CCDC149: variants seen among roughly 807,000 people sequenced by gnomAD.
CCDC149 encodes coiled-coil domain-containing protein 149.
A neutral mutation model predicts 59.9 loss-of-function variants in CCDC149; 45 were observed. The ratio of observed to expected loss-of-function variants is 0.75; its 90% confidence interval spans 0.59 to 0.96. The LOEUF (loss-of-function observed/expected upper bound fraction) is 0.96. Among genes scored for constraint, CCDC149 ranks in the 40% least tolerant of loss-of-function variants. CCDC149 has a pLI of 0.00. For synonymous variants in CCDC149, 245 were observed against 260.6 expected (o/e 0.94, Z 0.58); for missense variants, 584 against 664.7 (o/e 0.88, Z 1.33).
chr4:24,819,968 C>T lies in CCDC149; in HGVS notation c.1083G>A (p.Lys361=). 1 of 1,547,444 alleles carries T rather than the reference C, an allele frequency of 6.5e-7. No homozygotes were observed. The highest frequency in any genetic ancestry group is 8.7e-7 in the Non-Finnish European group (1 of 1,144,816). Residue 361 remains lysine (K), a synonymous_variant, in exon 12 of 13, where the codon AAG becomes AAA. Coordinates refer to ENST00000635206, the MANE Select transcript of CCDC149 (RefSeq NM_001330643.2). ...TGGGGTCGCTGAACAGTATGGTGTCCTTGCCCCCTGTTGCAGAAAAGAGGA... is the reference window on the plus strand; with the variant it reads ...TGGGGTCGCTGAACAGTATGGTGTCTTTGCCCCCTGTTGCAGAAAAGAGGA...
intron 12 of CCDC149, among the ~76,000 whole-genome samples, chr4:24,819,347 A>T (rs1175398703): frequency 6.6e-6 from 1 of 151,944 alleles, no homozygotes. Flanking sequence ...TTTGAGACGG[A>T]GTCTTGCTGT....
intron 8 of CCDC149, among the ~76,000 whole-genome samples, chr4:24,832,754 C>T (rs1430772803): frequency 1.3e-5 from 2 of 152,172 alleles, no homozygotes; most frequent in Non-Finnish European, 2.9e-5. Context: ...TCCTTTATCC[C>T]AAATTCCATA....
At chr4:24,896,064 C>A (rs1433767940) in intron 1 of CCDC149, among the ~76,000 whole-genome samples, 1 of 152,228 alleles carries the variant, frequency 6.6e-6, no homozygotes, top group Non-Finnish European at 1.5e-5. Context: ...GTTCCCAGCA[C>A]AAACCTGGGG....
At chr4:24,861,250 G>T (rs1307351050) in intron 3 of CCDC149, among the ~76,000 whole-genome samples, 2 of 150,414 alleles carry the variant, frequency 1.3e-5, no homozygotes, top group Admixed American at 6.6e-5. Flanking sequence ...AATAATATGT[G>T]ATATATATAT....
intron 4 of CCDC149, among the ~76,000 whole-genome samples, chr4:24,852,528 G>A (rs1717728308): frequency 6.6e-6 from 1 of 152,142 alleles, no homozygotes; most frequent in African/African-American, 2.4e-5. Flanking sequence ...CACACATTTA[G>A]TTGGGAGTTT....
chr4:24,882,636 G>A (rs1359686532), intron 1 of CCDC149, among the ~76,000 whole-genome samples: 1 of 152,188 alleles, frequency 6.6e-6, no homozygotes, highest in African/African-American at 2.4e-5. Context: ...TTTATCCATG[G>A]AGTGTGAATA....
At chr4:24,976,493 G>A (rs577557505) in intron 1 of CCDC149, among the ~76,000 whole-genome samples, 4 of 152,268 alleles carry the variant, frequency 2.6e-5, no homozygotes, top group Non-Finnish European at 5.9e-5. Flanking sequence ...CTGGCGAATC[G>A]CCTGAGGTCA....
chr4:24,837,267 T>C lies in CCDC149; in HGVS notation c.623A>G (p.Asn208Ser). ...CAGGGCGTCCACGTCAATGATGCGG[T>C]TCTCGTGCCCACTCAGGATATGGTT... is the stretch of plus-strand genomic sequence containing the variant. Residue 208 changes from asparagine (N) to serine (S), a missense_variant, in exon 6 of 13, where the codon AAC becomes AGC. Coordinates refer to ENST00000635206, the MANE Select transcript of CCDC149 (RefSeq NM_001330643.2). The surrounding 1 kb of genome is among the most constrained non-coding windows in gnomAD (Gnocchi z 4.3). 6.2e-7 allele frequency: 1 copy of C among 1,614,228 alleles called. No individual in the cohort carries two copies. Among genetic ancestry groups the C allele is most frequent in the East Asian group, 2.2e-5 (1 of 44,886 alleles).
rs78517669 is a variant in CCDC149 at position 24,843,727 on chromosome 4, C to T, written c.373-5455G>A. ...TCTCCCAGTTAACAAGCTCCCAATG[C>T]AGTCCAAGCGAGCAGTGTGCTAGCA... On this transcript the variant is annotated intron_variant, in intron 4 of 12. Transcript: ENST00000635206. 6.5e-3 allele frequency among the ~76,000 whole-genome samples: 988 copies of T among 152,286 alleles called. 12 individuals carry two copies. The highest frequency in any genetic ancestry group is 0.022 in the African/African-American group (922 of 41,544).
intron 1 of CCDC149, among the ~76,000 whole-genome samples, chr4:24,890,989 C>G (rs745586887): frequency 6.6e-6 from 1 of 152,244 alleles, no homozygotes; most frequent in Non-Finnish European, 1.5e-5. Context: ...CCTGAATTTC[C>G]GCCTGCAGCA....
intron 1 of CCDC149, among the ~76,000 whole-genome samples, chr4:24,918,637 C>T (rs1722202875): frequency 6.6e-6 from 1 of 152,222 alleles, no homozygotes; most frequent in Non-Finnish European, 1.5e-5. Context: ...ACTGTTCCTC[C>T]ATTCCTGTTA....
intron 4 of CCDC149, among the ~76,000 whole-genome samples, chr4:24,850,337 T>A (rs910749374): frequency 6.6e-6 from 1 of 152,190 alleles, no homozygotes; most frequent in Non-Finnish European, 1.5e-5. Flanking sequence ...GGGCTGTCGG[T>A]GCCACGCAAG....
Position 24,806,686 on chromosome 4 carries a change from G to C in CCDC149, c.*1703C>G, listed in dbSNP as rs1380598501. On this transcript the variant is annotated 3_prime_UTR_variant, in exon 13 of 13. Coordinates refer to ENST00000635206, the MANE Select transcript of CCDC149 (RefSeq NM_001330643.2). ...AACCTCCCTTGAGGAGAAGTTGTGG[G>C]GGTGGGCCTGGTGGGGAGGGCGATA... 6.5e-6 allele frequency: 1 copy of C among 152,944 alleles called. No individual in the cohort carries two copies. Among genetic ancestry groups the C allele is most frequent in the Admixed American group, 6.5e-5 (1 of 15,284 alleles). The allele number at this position is 152,944 out of a possible 1,614,324, so 9.5% of individuals were successfully genotyped here.
intron 1 of CCDC149, among the ~76,000 whole-genome samples, chr4:24,919,069 C>G (rs1722212641): frequency 6.6e-6 from 1 of 152,170 alleles, no homozygotes; most frequent in African/African-American, 2.4e-5. Context: ...ATGGATGCCC[C>G]TTCTATATCC....
intron 1 of CCDC149, among the ~76,000 whole-genome samples, chr4:24,945,008 C>T (rs543864770): frequency 6.6e-6 from 1 of 152,262 alleles, no homozygotes; most frequent in South Asian, 2.1e-4. Context: ...GAACTGAATA[C>T]TGAAGTTGGA....
chr4:24,830,773 C>T (rs1716091840), intron 9 of CCDC149: 1 of 152,204 alleles, frequency 6.6e-6, no homozygotes. Context: ...AAAACAATGA[C>T]TAAGAATTCC....
In CCDC149 at chr4:24,855,574, C is replaced by CA. The variant is rs10639019; in HGVS notation, c.265-2396dup. On this transcript the variant is annotated intron_variant, in intron 3 of 12. Coordinates refer to ENST00000635206, the MANE Select transcript of CCDC149 (RefSeq NM_001330643.2). ...TGGGCAACAAAGAGAGACTCTGTCT[C>CA]AAAAAAAAAAAAGGAAGAAAAAAGA... is the stretch of plus-strand genomic sequence containing the variant. 1.6e-3 allele frequency among the ~76,000 whole-genome samples: 209 copies of CA among 132,692 alleles called. 2 individuals are homozygous for CA. Among genetic ancestry groups the CA allele is most frequent in the South Asian group, 5.2e-3 (21 of 4,038 alleles). 87.1% of individuals were successfully genotyped at this position (132,692 alleles called of 152,430 possible).
At chr4:24,930,218 C>T (rs1722549396) in intron 1 of CCDC149, among the ~76,000 whole-genome samples, 1 of 152,234 alleles carries the variant, frequency 6.6e-6, no homozygotes, top group Non-Finnish European at 1.5e-5. Flanking sequence ...TTCCTTTCCC[C>T]TCTGCCAGCT....
Position 24,958,638 on chromosome 4 carries a change from T to TA in CCDC149, c.-65+21430dup, listed in dbSNP as rs201288777. ...GAGATTAAAACTATAATACTTGAGG[T>TA]AAAAAAAAATGCACTATATGCAATT... On this transcript the variant is annotated intron_variant, in intron 1 of 12. Transcript: ENST00000389609. 6.7e-4 allele frequency among the ~76,000 whole-genome samples: 101 copies of TA among 151,082 alleles called. 1 individual carries two copies. Among genetic ancestry groups the TA allele is most frequent in the Middle Eastern group, 6.8e-3 (2 of 292 alleles).
Sources: gnomAD v4.1 joint callset for allele counts (sites outside exome capture counted in the v4.1 genomes callset) on GRCh38, gnomAD v4.1.1 for gene constraint, Gnocchi (gnomAD v3.1) non-coding constraint, MANE v1.5 for transcripts, NCBI Gene and HGNC (gene_info 2026-07-23, HGNC 2026-07-21) for gene names.